TRPM6: variants seen among roughly 807,000 people sequenced by gnomAD.
The protein encoded by TRPM6 is transient receptor potential cation channel subfamily M member 6.
TRPM6 carries 111 observed loss-of-function variants against 247.6 expected under a neutral mutation model. The observed-to-expected ratio is 0.45, with a 90% CI of 0.38 to 0.52. The LOEUF (loss-of-function observed/expected upper bound fraction) is 0.52, where lower values mean the gene tolerates loss of function less well. TRPM6 is among the 20% of genes least tolerant of loss of function. TRPM6 has a pLI of 0.00. For missense variants in TRPM6, 2,126 were observed against 2,421.5 expected, an observed-to-expected ratio of 0.88 and a Z score of 2.56; for synonymous variants, 892 against 853.8, an observed-to-expected ratio of 1.04 and a Z score of -0.78.
chr9:74,754,172 A>T, intron 28 of TRPM6, among the ~76,000 whole-genome samples: 1 of 152,072 alleles, frequency 6.6e-6, no homozygotes, highest in East Asian at 1.9e-4. Context: ...AATTTATCCA[A>T]ATTTATGGTC....
chr9:74,742,501 T>A, intron 33 of TRPM6, 60 bp downstream of exon 33: 2 of 1,503,370 alleles, frequency 1.3e-6, no homozygotes, highest in South Asian at 2.3e-5. Flanking sequence ...TTCCTTTGAT[T>A]CACTCAGATT....
intron 13 of TRPM6, among the ~76,000 whole-genome samples, chr9:74,808,945 G>T (rs1168510912): frequency 6.6e-6 from 1 of 152,114 alleles, no homozygotes; most frequent in African/African-American, 2.4e-5. Context: ...CTTTGCCTAT[G>T]GTCCAAAATC....
intron 1 of TRPM6, among the ~76,000 whole-genome samples, chr9:74,867,615 T>C (rs1290079555): frequency 6.6e-6 from 1 of 152,146 alleles, no homozygotes; most frequent in Non-Finnish European, 1.5e-5. Flanking sequence ...TTGGAATGCA[T>C]TCAATTTCTA....
In TRPM6 at chr9:74,750,751, T is replaced by G. The variant is rs1314102067; in HGVS notation, c.4999-29A>C. 4 of 1,610,692 alleles carry G rather than the reference T, an allele frequency of 2.5e-6. No homozygotes were observed. The African/African-American group carries it at 5.3e-5, about 22-fold the overall frequency. ...AGCAGAAGGGAAAGGCCGTTACGTG[T>G]GTGCTCAACATAGTCCCACCCCAAG... On this transcript the variant is annotated intron_variant, in intron 29 of 38. Coordinates refer to ENST00000360774, the MANE Select transcript of TRPM6 (RefSeq NM_017662.5).
At chr9:74,812,256 T>C in intron 12 of TRPM6, 43 bp downstream of exon 12, 1 of 1,611,686 alleles carries the variant, frequency 6.2e-7, no homozygotes, top group Non-Finnish European at 8.5e-7. Flanking sequence ...CTTGCTCTTC[T>C]TGAATCTGGA....
chr9:74,739,745 G>C lies in TRPM6; in HGVS notation c.5465C>G (p.Thr1822Ser), dbSNP rs199575195. The change falls in exon 34 of 39, where the codon ACT becomes AGT. Residue 1822 changes from threonine (T) to serine (S), a missense_variant. Thr to Ser is a moderately conservative substitution (Grantham distance 58, BLOSUM62 1). Around this residue, in one of 3 missense-constraint regions of TRPM6, gnomAD observed 327 missense variants for 397.7 expected, o/e 0.82. Transcript: ENST00000360774. Reference sequence around the variant, plus strand: ...TACCCTGAGGCAAAGATGAAGCACAGTGCTCTCCTGGAAGATTTTATGCCA... The same window carrying C: ...TACCCTGAGGCAAAGATGAAGCACACTGCTCTCCTGGAAGATTTTATGCCA... ...RTWHKIFQES[T>S]VLHLCLREIQ... The C allele has an allele frequency of 1.2e-6, 2 of 1,613,346 alleles. No individual in the cohort carries two copies. Among genetic ancestry groups the C allele is most frequent in the Non-Finnish European group, 1.7e-6 (2 of 1,179,996 alleles).
chr9:74,760,082 T>A (rs1198960521), intron 27 of TRPM6, among the ~76,000 whole-genome samples: 4 of 152,194 alleles, frequency 2.6e-5, no homozygotes, highest in Non-Finnish European at 4.4e-5. Flanking sequence ...CCTAGTGACA[T>A]TACAGCTGTG....
At chr9:74,747,772 G>T in intron 31 of TRPM6, 117 bp downstream of exon 31, 1 of 900,098 alleles carries the variant, frequency 1.1e-6, no homozygotes, top group Non-Finnish European at 1.7e-6. Context: ...TACATTGCAT[G>T]ATGGACAAAA....
Position 74,801,973 on chromosome 9 carries a change from T to C in TRPM6, c.1934A>G (p.Tyr645Cys). 1 of 1,614,242 alleles carries C rather than the reference T, an allele frequency of 6.2e-7. No homozygotes were observed. The highest frequency in any genetic ancestry group is 8.5e-7 in the Non-Finnish European group (1 of 1,180,036). Residue 645 changes from tyrosine to cysteine, a missense_variant, in exon 16 of 39, where the codon TAC becomes TGC. Physicochemically the swap from Tyr to Cys is radical, Grantham distance 194. Around this residue, in one of 3 missense-constraint regions of TRPM6, gnomAD observed 1,082 missense variants for 1,307.9 expected, o/e 0.83. Coordinates refer to ENST00000360774, the MANE Select transcript of TRPM6 (RefSeq NM_017662.5). ...CTTAGCTTCATGGGCCATTGCCCGG[T>C]AGAGGATACACGCAATCACGGCTTT... ...TVKAVIACIL[Y>C]RAMAHEAKES...
intron 1 of TRPM6, among the ~76,000 whole-genome samples, chr9:74,869,306 T>C (rs1830952319): frequency 6.6e-6 from 1 of 151,628 alleles, no homozygotes; most frequent in Admixed American, 6.6e-5. Context: ...CCGTCACTAC[T>C]AAAAATACAA....
chr9:74,755,508 A>AT (rs770711774), intron 27 of TRPM6, 35 bp from the exon 28 acceptor site: 1 of 1,613,164 alleles, frequency 6.2e-7, no homozygotes, highest in South Asian at 1.1e-5. Context: ...ACACAGTGAC[A>AT]TTAATTCAAA....
At chr9:74,785,599 T>C (rs1229507656) in intron 21 of TRPM6, among the ~76,000 whole-genome samples, 1 of 152,144 alleles carries the variant, frequency 6.6e-6, no homozygotes, top group Non-Finnish European at 1.5e-5. Context: ...CTCGGCTCAC[T>C]GCAAGCTCCG....
chr9:74,765,450 A>G (rs981990853), intron 25 of TRPM6, among the ~76,000 whole-genome samples: 2 of 151,680 alleles, frequency 1.3e-5, no homozygotes, highest in Non-Finnish European at 2.9e-5. Flanking sequence ...GAACTCTGGC[A>G]TATCACATTG....
At chr9:74,856,972 T>G (rs1296359108) in intron 2 of TRPM6, among the ~76,000 whole-genome samples, 1 of 152,220 alleles carries the variant, frequency 6.6e-6, no homozygotes, top group Non-Finnish European at 1.5e-5. Context: ...GGAATTACAA[T>G]CGTTGATACT....
At chr9:74,753,328 G>A (rs1826322643) in intron 28 of TRPM6, among the ~76,000 whole-genome samples, 1 of 151,940 alleles carries the variant, frequency 6.6e-6, no homozygotes, top group Non-Finnish European at 1.5e-5. Flanking sequence ...ACTAAAAATA[G>A]GAGATAACGG....
intron 13 of TRPM6, among the ~76,000 whole-genome samples, chr9:74,808,693 C>T (rs1828621180): frequency 2.6e-5 from 4 of 152,198 alleles, no homozygotes; most frequent in African/African-American, 9.6e-5. Flanking sequence ...TTCAGCTTCT[C>T]TCTTTGTTGA....
chr9:74,784,137 T>A (rs1226499944), intron 21 of TRPM6, among the ~76,000 whole-genome samples: 2 of 151,644 alleles, frequency 1.3e-5, no homozygotes, highest in Non-Finnish European at 2.9e-5. Flanking sequence ...GTGCCTGTAG[T>A]CCCTACTATA....
intron 6 of TRPM6, among the ~76,000 whole-genome samples, chr9:74,833,307 C>T (rs1829605977): frequency 6.6e-6 from 1 of 152,024 alleles, no homozygotes; most frequent in Admixed American, 6.5e-5. Context: ...TAATATTTTA[C>T]CAAAAAATTA....
chr9:74,756,674 G>A (rs375360519), intron 27 of TRPM6, among the ~76,000 whole-genome samples: 14 of 90,832 alleles, frequency 1.5e-4, no homozygotes, highest in African/African-American at 6.5e-4. Flanking sequence ...AAGAAACCCC[G>A]TCTCTACAAA....
Sources: gnomAD v4.1 joint callset for allele counts (sites outside exome capture counted in the v4.1 genomes callset) on GRCh38, gnomAD v4.1.1 for gene constraint, gnomAD v4.1.1 regional missense constraint, MANE v1.5 for transcripts, NCBI Gene and HGNC (gene_info 2026-07-23, HGNC 2026-07-21) for gene names.